The following WDHD1 variants were observed in gnomAD, a reference collection of about 807,000 sequenced individuals.
WDHD1 encodes the protein WD repeat and HMG-box DNA-binding protein 1.
In WDHD1, 111 loss-of-function variants were observed where a neutral mutation model predicts 135.4. The observed-to-expected ratio is 0.82, with a 90% confidence interval of 0.70 to 0.96. WDHD1 has a LOEUF of 0.96. Ranked by LOEUF, WDHD1 falls within the 40% of genes least tolerant of loss-of-function variation. The pLI, the probability that WDHD1 is intolerant of heterozygous loss-of-function variation, is 0.00. For synonymous variants in WDHD1, 434 were observed against 439.0 expected (o/e 0.99, Z 0.14); for missense variants, 1,351 against 1,336.3 (o/e 1.01, Z -0.17).
At position 54,995,596 on chromosome 14, in the gene WDHD1, T is replaced by C; in HGVS notation, c.1153+7A>G. ...GGGTAATCACATGCACAAAGTCAAATTCTTACCAACTGAGTTTTCATCATC... is the reference window on the plus strand; with the variant it reads ...GGGTAATCACATGCACAAAGTCAAACTCTTACCAACTGAGTTTTCATCATC... On this transcript the variant is annotated splice_region_variant and intron_variant, in intron 11 of 25. Transcript: ENST00000360586. 1 of 1,578,548 alleles carries C rather than the reference T, an allele frequency of 6.3e-7. No individual in the cohort carries two copies. The highest frequency in any genetic ancestry group is 1.2e-5 in the South Asian group (1 of 86,050).
chr14:55,015,541 C>T (rs2042246591), intron 2 of WDHD1, among the ~76,000 whole-genome samples: 1 of 152,128 alleles, frequency 6.6e-6, no homozygotes, highest in Non-Finnish European at 1.5e-5. Flanking sequence ...TTTTCCTACC[C>T]TTTCCTGATG....
rs752645855 is a variant in WDHD1 at position 54,957,177 on chromosome 14, T to C, written c.2773A>G (p.Met925Val). Residue 925 changes from methionine (M) to valine (V), a missense_variant, in exon 23 of 26, where the codon ATG becomes GTG. Around this residue, in one of 2 missense-constraint regions of WDHD1, gnomAD observed 1,330 missense variants for 1,296.1 expected, o/e 1.03. Coordinates refer to ENST00000360586, the MANE Select transcript of WDHD1 (RefSeq NM_007086.4). Reference protein sequence around the residue: ...KVSASSKEPAMSMNSARSTNI... With the variant: ...KVSASSKEPAVSMNSARSTNI... The stretch of plus-strand genomic sequence containing the variant: ...GTTGAACGTGCTGAATTCATTGACA[T>C]GGCTGGTTCTTTGGAACTGGCTGAT... 37 of 1,613,984 alleles carry C rather than the reference T, an allele frequency of 2.3e-5. No homozygotes were observed. The South Asian group carries it at 3.6e-4, about 16-fold the overall frequency.
At chr14:55,005,858 C>G (rs545882835) in intron 7 of WDHD1, among the ~76,000 whole-genome samples, 1 of 151,736 alleles carries the variant, frequency 6.6e-6, no homozygotes, top group Non-Finnish European at 1.5e-5. Flanking sequence ...TTCCTTAGAG[C>G]CTTCAGATGA....
intron 16 of WDHD1, among the ~76,000 whole-genome samples, chr14:54,970,870 T>C (rs887482780): frequency 1.3e-5 from 2 of 152,116 alleles, no homozygotes; most frequent in Admixed American, 6.6e-5. Context: ...AAAAAGAACA[T>C]GGCACTGGTG....
chr14:54,955,688 C>A lies in WDHD1; in HGVS notation c.2923G>T (p.Ala975Ser). The A allele has an allele frequency of 2.6e-6, 4 of 1,561,332 alleles. No individual in the cohort carries two copies. The highest frequency in any genetic ancestry group is 3.4e-6 in the Non-Finnish European group (4 of 1,160,018). Residue 975 changes from alanine (A) to serine (S), a missense_variant, in exon 24 of 26, where the codon GCA (alanine) becomes TCA (serine). Transcript: ENST00000360586. ...TTTCTTTTCTGGAAATAGGATGCTGCAGATGCCTATAAAAACAAACATGAA... is the reference window on the plus strand; with the variant it reads ...TTTCTTTTCTGGAAATAGGATGCTGAAGATGCCTATAAAAACAAACATGAA... ...IPKPKPKQAS[A>S]ASYFQKRNSQ... is the part of the protein sequence containing the mutation.
rs1203762071 is a variant in WDHD1, at chr14:54,940,252, G to A, written c.*1238C>T. 1 of 152,182 alleles carries A rather than the reference G, an allele frequency of 6.6e-6. No individual in the cohort carries two copies. The highest frequency in any genetic ancestry group is 2.4e-5 in the African/African-American group (1 of 41,444). 9.4% of individuals were successfully genotyped at this position (152,182 alleles called of 1,614,324 possible). On this transcript the variant is annotated 3_prime_UTR_variant, in exon 26 of 26. Transcript: ENST00000360586. ...GCCCAACATGACCCAACTATTAGTAGTAGGTAGAGAAGCGGGTCTCCGAAC... is the reference window on the plus strand; with the variant it reads ...GCCCAACATGACCCAACTATTAGTAATAGGTAGAGAAGCGGGTCTCCGAAC...
At chr14:55,016,912 G>A (rs1050506776) in intron 2 of WDHD1, among the ~76,000 whole-genome samples, 3 of 152,192 alleles carry the variant, frequency 2.0e-5, no homozygotes, top group Non-Finnish European at 2.9e-5. Context: ...GATCAGGTGC[G>A]TTCAGGGTGG....
intron 10 of WDHD1, among the ~76,000 whole-genome samples, chr14:55,000,154 G>C (rs1348455047): frequency 1.3e-5 from 2 of 152,152 alleles, no homozygotes; most frequent in Non-Finnish European, 2.9e-5. Flanking sequence ...GCTCAGTAAA[G>C]CTGTTTGACT....
chr14:54,999,259 CT>C (rs1186538887), intron 10 of WDHD1, among the ~76,000 whole-genome samples: 1 of 152,232 alleles, frequency 6.6e-6, no homozygotes, highest in African/African-American at 2.4e-5. Context: ...GACCACTCAA[CT>C]GTAACCAGTG....
chr14:55,007,255 G>C, intron 7 of WDHD1, 25 bp downstream of exon 7: 1 of 1,275,294 alleles, frequency 7.8e-7, no homozygotes, highest in East Asian at 2.5e-5. Flanking sequence ...AAAAAGAAAA[G>C]AAAAGAAAAA....
At chr14:55,012,663 C>T (rs781413986) in intron 3 of WDHD1, among the ~76,000 whole-genome samples, 1 of 152,084 alleles carries the variant, frequency 6.6e-6, no homozygotes, top group Non-Finnish European at 1.5e-5. Flanking sequence ...CTGGACACTA[C>T]AAGATTGAGG....
At chr14:55,024,752 T>C (rs28658441) in intron 2 of WDHD1, among the ~76,000 whole-genome samples, 38 of 143,622 alleles carry the variant, frequency 2.6e-4, no homozygotes, top group African/African-American at 9.6e-4. Flanking sequence ...CGGTGCAAGA[T>C]GTGCTTTGTT....
At chr14:55,001,864 C>T (rs2041986254) in intron 8 of WDHD1, among the ~76,000 whole-genome samples, 1 of 152,194 alleles carries the variant, frequency 6.6e-6, no homozygotes, top group South Asian at 2.1e-4. Context: ...TTTAGAACAA[C>T]TTGTTCTAAT....
At chr14:54,992,341 T>C (rs1301739678) in intron 11 of WDHD1, among the ~76,000 whole-genome samples, 1 of 151,958 alleles carries the variant, frequency 6.6e-6, no homozygotes, top group African/African-American at 2.4e-5. Context: ...AATACAAAAA[T>C]TAGCCTGGCA....
rs143428228 is a variant in WDHD1 at position 55,008,249 on chromosome 14, A to C, written c.504+67T>G. 4.1e-6 allele frequency: 6 copies of C among 1,462,054 alleles called. No individual in the cohort carries two copies. In the African/African-American group the frequency reaches 8.4e-5, roughly 21 times the overall value. 90.6% of individuals were successfully genotyped at this position (1,462,054 alleles called of 1,614,324 possible). On this transcript the variant is annotated intron_variant, in intron 6 of 25. Transcript: ENST00000360586. Reference sequence around the variant, plus strand: ...AAAGCAATTATTAATTTGGCCCAGTAATACGACATATAACAATTTATTACA... The same window carrying C: ...AAAGCAATTATTAATTTGGCCCAGTCATACGACATATAACAATTTATTACA...
chr14:54,992,740 T>A (rs2041812086), intron 11 of WDHD1, among the ~76,000 whole-genome samples: 1 of 151,646 alleles, frequency 6.6e-6, no homozygotes, highest in African/African-American at 2.4e-5. Flanking sequence ...CAAAGCAAGA[T>A]TCCATCTCTA....
intron 24 of WDHD1, among the ~76,000 whole-genome samples, chr14:54,949,417 A>C (rs892975770): frequency 4.6e-5 from 7 of 152,220 alleles, no homozygotes; most frequent in Non-Finnish European, 8.8e-5. Context: ...CAAAGATCAA[A>C]TGAATGAAAT....
At chr14:54,987,551 A>G (rs1379127166) in intron 13 of WDHD1, among the ~76,000 whole-genome samples, 164 bp from the exon 14 acceptor site, 1 of 152,160 alleles carries the variant, frequency 6.6e-6, no homozygotes, top group East Asian at 1.9e-4. Context: ...AATACCCTTA[A>G]AATGAACTAT....
chr14:54,953,308 G>A (rs532838238), intron 24 of WDHD1, among the ~76,000 whole-genome samples: 27 of 152,252 alleles, frequency 1.8e-4, no homozygotes, highest in African/African-American at 4.3e-4. Context: ...AAAAGTGGGC[G>A]AAGGATATGA....
Sources: allele counts gnomAD v4.1 joint callset (sites outside exome capture counted in the v4.1 genomes callset), GRCh38; gene constraint gnomAD v4.1.1; regional missense constraint gnomAD v4.1.1; transcripts MANE v1.5; gene names NCBI Gene and HGNC (gene_info 2026-07-23, HGNC 2026-07-21).